GPRC6A: variants seen among roughly 807,000 people sequenced by gnomAD.
GPRC6A encodes the protein G protein-coupled receptor family C group 6 member A.
Under a neutral mutation model 47.0 loss-of-function variants are expected in GPRC6A, and 54 were observed. That is an observed-to-expected ratio of 1.15 (90% CI 0.92 to 1.44). The LOEUF is 1.44. GPRC6A is among the 40% of genes most tolerant of loss of function. GPRC6A has a pLI of 0.00. For missense variants in GPRC6A, 1,112 were observed against 1,105.5 expected, an observed-to-expected ratio of 1.01 and a Z score of -0.08; for synonymous variants, 347 against 377.1, an observed-to-expected ratio of 0.92 and a Z score of 0.93.
intron 1 of GPRC6A, among the ~76,000 whole-genome samples, chr6:116,811,840 A>AT (rs1303601813): frequency 6.6e-6 from 1 of 152,172 alleles, no homozygotes; most frequent in Non-Finnish European, 1.5e-5. Flanking sequence ...GGAAAAAAAA[A>AT]GAATTAAAAA....
chr6:116,806,785 G>A lies in GPRC6A; in HGVS notation c.920C>T (p.Thr307Ile). The change falls in exon 3 of 6, where the codon ACT becomes ATT. Residue 307 changes from threonine (T) to isoleucine (I), a missense_variant. Transcript: ENST00000310357. ...AGGAATGGTGGTAATCTTGGTGGCA[G>A]TTGACCAATTATCACTAGCAATCCA... The part of the protein sequence containing the change: ...KMWIASDNWS[T>I]ATKITTIPNV... The A allele has an allele frequency of 6.2e-7, 1 of 1,613,608 alleles. No individual in the cohort carries two copies. Among genetic ancestry groups the A allele is most frequent in the Non-Finnish European group, 8.5e-7 (1 of 1,179,756 alleles).
chr6:116,824,256 GCTAAATGAAATAGAGA>G (rs528312154), intron 1 of GPRC6A, among the ~76,000 whole-genome samples: 118 of 151,698 alleles, frequency 7.8e-4, no homozygotes, highest in African/African-American at 2.8e-3. Flanking sequence ...TTCTAGCAGA[GCTAAATGAAATAGAGA>G]CTAAAAAAAA....
In GPRC6A at chr6:116,793,072, T is replaced by C; in HGVS notation, c.1851A>G (p.Arg617=). ...FVLVVGIIFT[R]NLNTPVVKSS... is the part of the protein sequence containing the mutation. Reference sequence around the variant, plus strand: ...ATTTCACAACAGGTGTGTTCAGGTTTCTTGTAAATATTATGCCAACAACCA... The same window carrying C: ...ATTTCACAACAGGTGTGTTCAGGTTCCTTGTAAATATTATGCCAACAACCA... Residue 617 remains arginine (R), a synonymous_variant, in exon 6 of 6, where the codon AGA becomes AGG. Transcript: ENST00000310357. 1 of 1,613,898 alleles carries C rather than the reference T, an allele frequency of 6.2e-7. No individual in the cohort carries two copies. The highest frequency in any genetic ancestry group is 2.2e-5 in the East Asian group (1 of 44,880).
At chr6:116,806,280 C>G in intron 3 of GPRC6A, 90 bp downstream of exon 3, 3 of 787,800 alleles carry the variant, frequency 3.8e-6, no homozygotes, top group Non-Finnish European at 6.4e-6. Flanking sequence ...GGATTAAGAG[C>G]AATTAATATA....
rs1245076751 is a variant in GPRC6A, at chr6:116,792,964, T to C, written c.1959A>G (p.Glu653=). The C allele has an allele frequency of 1.2e-6, 2 of 1,613,968 alleles. No homozygotes were observed. Among genetic ancestry groups the C allele is most frequent in the East Asian group, 2.2e-5 (1 of 44,896 alleles). The part of the protein sequence containing the change: ...NFASTSFFIG[E]PQDFTCKTRQ... ...TGGTTTTACATGTGAAGTCTTGTGG[T>C]TCTCCAATGAAAAAGCTCGTGCTGG... The change falls in exon 6 of 6, where the codon GAA becomes GAG. Residue 653 remains glutamate (E), a synonymous_variant. Coordinates refer to ENST00000310357, the MANE Select transcript of GPRC6A (RefSeq NM_148963.4).
In GPRC6A at chr6:116,828,880, T is replaced by C. The variant is rs757211286; in HGVS notation, c.134A>G (p.His45Arg). 6.2e-7 allele frequency: 1 copy of C among 1,613,350 alleles called. No individual in the cohort carries two copies. The highest frequency in any genetic ancestry group is 1.7e-4 in the Middle Eastern group (1 of 6,060). ...HIIIGGLFAI[H>R]EKMLSSEDSP... Reference sequence around the variant, plus strand: ...GTCTTCTGAGGACAACATTTTTTCATGAATAGCAAACAAACCTCCAATTAT... The same window carrying C: ...GTCTTCTGAGGACAACATTTTTTCACGAATAGCAAACAAACCTCCAATTAT... Residue 45 changes from histidine (H) to arginine (R), a missense_variant, in exon 1 of 6, where the codon CAT becomes CGT. Coordinates refer to ENST00000310357, the MANE Select transcript of GPRC6A (RefSeq NM_148963.4).
At chr6:116,823,052 T>G (rs1272415353) in intron 1 of GPRC6A, among the ~76,000 whole-genome samples, 3 of 152,104 alleles carry the variant, frequency 2.0e-5, no homozygotes, top group Admixed American at 2.0e-4. Context: ...TTAATGCAAA[T>G]TTTTGCAGCC....
chr6:116,800,940 A>G (rs1772656996), intron 3 of GPRC6A, 144 bp from the exon 4 acceptor site: 2 of 618,502 alleles, frequency 3.2e-6, no homozygotes, highest in Admixed American at 5.7e-5. Flanking sequence ...AGAATTCTTA[A>G]CTATCTGGCA....
intron 1 of GPRC6A, among the ~76,000 whole-genome samples, chr6:116,817,277 A>T (rs1773254768): frequency 6.6e-6 from 1 of 152,168 alleles, no homozygotes; most frequent in Non-Finnish European, 1.5e-5. Flanking sequence ...GCAGGGGCAC[A>T]CTGACATCTC....
At chr6:116,822,003 C>G (rs1480008466) in intron 1 of GPRC6A, among the ~76,000 whole-genome samples, 1 of 144,048 alleles carries the variant, frequency 6.9e-6, no homozygotes, top group East Asian at 2.0e-4. Flanking sequence ...TGAACTCAAA[C>G]AAATTTACAA....
intron 1 of GPRC6A, among the ~76,000 whole-genome samples, chr6:116,827,673 T>C (rs1355462860): frequency 6.6e-6 from 1 of 152,074 alleles, no homozygotes; most frequent in Non-Finnish European, 1.5e-5. Flanking sequence ...TGGCCTGCAA[T>C]TGTGGGCCTC....
chr6:116,810,500 T>C (rs1177090405), intron 1 of GPRC6A, among the ~76,000 whole-genome samples: 1 of 152,068 alleles, frequency 6.6e-6, no homozygotes, highest in African/African-American at 2.4e-5. Flanking sequence ...ATTCCAATTT[T>C]GCACTTGTTG....
intron 1 of GPRC6A, among the ~76,000 whole-genome samples, chr6:116,810,408 T>C (rs145971495): frequency 8.4e-4 from 128 of 152,214 alleles, no homozygotes; most frequent in African/African-American, 2.7e-3. Flanking sequence ...TAGATGGTTC[T>C]ATCTCTACAA....
At chr6:116,793,352 A>C in intron 5 of GPRC6A, 102 bp from the exon 6 acceptor site, 1 of 749,202 alleles carries the variant, frequency 1.3e-6, no homozygotes, top group Non-Finnish European at 2.1e-6. Context: ...TTCTGACTAG[A>C]GAATAGATAT....
Position 116,801,053 on chromosome 6 carries a change from T to A in GPRC6A, c.1336-257A>T, listed in dbSNP as rs75016623. Among the ~76,000 whole-genome samples the A allele has an allele frequency of 3.2e-3, 486 of 152,320 alleles. 2 individuals carry two copies. Among genetic ancestry groups the A allele is most frequent in the African/African-American group, 0.011 (446 of 41,576 alleles). ...GTTAATTTCTATAGATGGTTGTTTC[T>A]AAGTATCTTCGTTTATCCTACAGAA... On this transcript the variant is annotated intron_variant, in intron 3 of 5. Transcript: ENST00000310357.
At position 116,828,991 on chromosome 6, in the gene GPRC6A, A is replaced by T; in HGVS notation, c.23T>A (p.Ile8Asn). The change falls in exon 1 of 6, where the codon ATT (isoleucine) becomes AAT (asparagine). Residue 8 changes from isoleucine (I) to asparagine (N), a missense_variant. Ile to Asn is a moderately radical substitution (Grantham distance 149). Coordinates refer to ENST00000310357, the MANE Select transcript of GPRC6A (RefSeq NM_148963.4). ...AGCAAGAATAATCACAAAGCAGGTA[A>T]TTAGTATAATTAAGAATGCCATGTT... MAFLIIL[I>N]TCFVIILATS... 1 of 1,612,142 alleles carries T rather than the reference A, an allele frequency of 6.2e-7. No homozygotes were observed. The highest frequency in any genetic ancestry group is 8.5e-7 in the Non-Finnish European group (1 of 1,178,948).
intron 1 of GPRC6A, among the ~76,000 whole-genome samples, chr6:116,813,023 A>G (rs1336811589): frequency 6.6e-6 from 1 of 152,230 alleles, no homozygotes; most frequent in Non-Finnish European, 1.5e-5. Context: ...TTCAAAGATA[A>G]TAAAATACCT....
At chr6:116,825,733 A>G (rs1401522922) in intron 1 of GPRC6A, among the ~76,000 whole-genome samples, 2 of 152,084 alleles carry the variant, frequency 1.3e-5, no homozygotes, top group East Asian at 3.9e-4. Flanking sequence ...ATATGGAGCA[A>G]CAACAAAAAA....
intron 1 of GPRC6A, among the ~76,000 whole-genome samples, chr6:116,827,745 C>CT (rs146387354): frequency 0.033 from 4,915 of 149,496 alleles, 119 homozygotes; most frequent in Non-Finnish European, 0.052. Context: ...TAATTATTAA[C>CT]TTTTTTTTTT....
Sources: gnomAD v4.1 joint callset for allele counts (sites outside exome capture counted in the v4.1 genomes callset) on GRCh38, gnomAD v4.1.1 for gene constraint, MANE v1.5 for transcripts, NCBI Gene and HGNC (gene_info 2026-07-23, HGNC 2026-07-21) for gene names.